The following KATNAL2 variants were observed in gnomAD, a reference collection of about 807,000 sequenced individuals.
KATNAL2 encodes katanin p60 ATPase-containing subunit A-like 2.
In KATNAL2, 52 loss-of-function variants were observed where a neutral mutation model predicts 76.3. That is an observed-to-expected ratio of 0.68 (90% confidence interval 0.55 to 0.86). The LOEUF (loss-of-function observed/expected upper bound fraction) is 0.86. KATNAL2 is among the 40% of genes least tolerant of loss of function. The pLI is 0.00. For synonymous variants in KATNAL2, 243 were observed against 244.2 expected (o/e 1.00, Z 0.05); for missense variants, 660 against 668.9 (o/e 0.99, Z 0.15).
chr18:47,036,403 C>A (rs921212364), intron 3 of KATNAL2, among the ~76,000 whole-genome samples: 1 of 152,200 alleles, frequency 6.6e-6, no homozygotes, highest in African/African-American at 2.4e-5. Context: ...TTAGTCATAT[C>A]TTTTGAGCAT....
At chr18:46,934,101 T>C (rs2059018125) in intron 1 of KATNAL2, among the ~76,000 whole-genome samples, 1 of 152,110 alleles carries the variant, frequency 6.6e-6, no homozygotes, top group Admixed American at 6.6e-5. Flanking sequence ...AGTGCCGCTA[T>C]AAACACACGT....
intron 4 of KATNAL2, among the ~76,000 whole-genome samples, chr18:47,050,575 G>A (rs2061312161): frequency 6.6e-6 from 1 of 152,194 alleles, no homozygotes; most frequent in Non-Finnish European, 1.5e-5. Flanking sequence ...TTTCTGCCAC[G>A]AGATGGCTCT....
intron 11 of KATNAL2, 77 bp downstream of exon 11, chr18:47,067,196 G>A: frequency 1.3e-5 from 8 of 637,802 alleles, no homozygotes; most frequent in South Asian, 2.6e-5. Context: ...CAACTATCAG[G>A]AAGGGAAGGG....
rs535520374 is a variant in KATNAL2, at chr18:47,097,042, C to T, written c.1212-2201C>T. The stretch of plus-strand genomic sequence containing the variant: ...GCTGAGGCAGAAGGATCGCTTGAGT[C>T]CAGGAGGTGTAGGTTGCAGTGAGCT... On this transcript the variant is annotated intron_variant, in intron 15 of 17. Coordinates refer to ENST00000683218, the MANE Select transcript of KATNAL2 (RefSeq NM_001387690.1). 8.7e-5 allele frequency among the ~76,000 whole-genome samples: 13 copies of T among 149,580 alleles called. No individual in the cohort carries two copies. In the South Asian group the frequency reaches 1.9e-3, roughly 22 times the overall value.
intron 3 of KATNAL2, among the ~76,000 whole-genome samples, chr18:46,947,728 G>A (rs1223218780): frequency 6.6e-6 from 1 of 152,134 alleles, no homozygotes; most frequent in Non-Finnish European, 1.5e-5. Flanking sequence ...TGTAGCCAAG[G>A]TTATGAACCA....
At chr18:46,953,670 T>C (rs1260258955) in intron 3 of KATNAL2, among the ~76,000 whole-genome samples, 1 of 151,748 alleles carries the variant, frequency 6.6e-6, no homozygotes, top group East Asian at 1.9e-4. Context: ...AGTGGCAAGA[T>C]CACTTGGGAC....
chr18:47,065,071 C>A (rs1488344060), intron 10 of KATNAL2, among the ~76,000 whole-genome samples: 1 of 152,170 alleles, frequency 6.6e-6, no homozygotes, highest in Non-Finnish European at 1.5e-5. Flanking sequence ...TAGATCCAGG[C>A]TCTATAGACA....
chr18:47,062,926 C>A, intron 8 of KATNAL2, 46 bp from the exon 9 acceptor site: 1 of 1,460,274 alleles, frequency 6.8e-7, no homozygotes, highest in Non-Finnish European at 9.6e-7. Context: ...TAAGAAGAGT[C>A]TTCTCTTATG....
intron 3 of KATNAL2, among the ~76,000 whole-genome samples, chr18:46,960,999 C>G (rs574008152): frequency 6.6e-6 from 1 of 152,112 alleles, no homozygotes; most frequent in Non-Finnish European, 1.5e-5. Flanking sequence ...AAGGGGACCA[C>G]GTTAAAGGGT....
At chr18:47,089,912 A>T (rs1302596135) in intron 15 of KATNAL2, among the ~76,000 whole-genome samples, 6 of 141,532 alleles carry the variant, frequency 4.2e-5, no homozygotes, top group South Asian at 2.3e-4. Context: ...TATTTCTTTT[A>T]AAAAAAAAAT....
At chr18:47,075,475 G>C in intron 14 of KATNAL2, 107 bp downstream of exon 14, 3 of 756,734 alleles carry the variant, frequency 4.0e-6, no homozygotes, top group Non-Finnish European at 5.7e-6. Context: ...AGCAGAATGA[G>C]CCCATTAATA....
At chr18:47,035,490 G>A in intron 3 of KATNAL2, 3 of 900,918 alleles carry the variant, frequency 3.3e-6, no homozygotes, top group Middle Eastern at 3.5e-4. Context: ...TTTGTTCCTC[G>A]GGATGTGGAG....
intron 3 of KATNAL2, among the ~76,000 whole-genome samples, chr18:46,952,919 G>A (rs1345665006): frequency 9.0e-5 from 12 of 133,244 alleles, no homozygotes; most frequent in Admixed American, 2.3e-4. Context: ...TTTTGAGGCG[G>A]AGTCTCGCTC....
At chr18:46,947,478 G>T (rs1174109281) in intron 3 of KATNAL2, among the ~76,000 whole-genome samples, 5 of 151,926 alleles carry the variant, frequency 3.3e-5, no homozygotes, top group Non-Finnish European at 7.4e-5. Flanking sequence ...GTTTACCGTG[G>T]TCTGTATCAC....
At chr18:47,033,008 G>A (rs371842955) in intron 3 of KATNAL2, 29 of 1,613,974 alleles carry the variant, frequency 1.8e-5, no homozygotes, top group African/African-American at 2.7e-5. Context: ...TGAGTTTATC[G>A]TCGGGAGAAT....
At chr18:46,937,895 G>C (rs890709163) in intron 1 of KATNAL2, among the ~76,000 whole-genome samples, 2 of 152,130 alleles carry the variant, frequency 1.3e-5, no homozygotes, top group Non-Finnish European at 2.9e-5. Context: ...CTTGAGCCCA[G>C]GAGTTAGAAA....
chr18:47,034,665 C>T (rs756430696), intron 3 of KATNAL2: 30 of 1,613,494 alleles, frequency 1.9e-5, no homozygotes, highest in Non-Finnish European at 2.2e-5. Context: ...CGCCCTGAGC[C>T]GCGTGAGTGT....
At chr18:46,945,617 A>C (rs1396983783) in intron 1 of KATNAL2, among the ~76,000 whole-genome samples, 1 of 152,214 alleles carries the variant, frequency 6.6e-6, no homozygotes, top group Non-Finnish European at 1.5e-5. Flanking sequence ...TTTGCATCCT[A>C]ACTCTATCTA....
intron 3 of KATNAL2, chr18:47,032,878 C>A: frequency 1.9e-6 from 3 of 1,567,034 alleles, no homozygotes; most frequent in South Asian, 1.2e-5. Flanking sequence ...CTGCAGAATT[C>A]AAAGGCTCAA....
Sources: allele counts gnomAD v4.1 joint callset (sites outside exome capture counted in the v4.1 genomes callset), GRCh38; gene constraint gnomAD v4.1.1; transcripts MANE v1.5; gene names NCBI Gene and HGNC (gene_info 2026-07-23, HGNC 2026-07-21).